ALPK1: variants seen among roughly 807,000 people sequenced by gnomAD.
ALPK1 encodes the protein alpha-protein kinase 1.
A neutral mutation model predicts 120.6 loss-of-function variants in ALPK1; 110 were observed. That is an observed-to-expected ratio of 0.91 (90% CI 0.78 to 1.07). The LOEUF is 1.07. Ranked by LOEUF, ALPK1 falls within the 50% of genes least tolerant of loss-of-function variation. The pLI, the probability that ALPK1 is intolerant of heterozygous loss-of-function variation, is 0.00. For missense variants in ALPK1, 1,498 were observed against 1,483.9 expected (o/e 1.01, Z -0.16); for synonymous variants, 582 against 560.3 (o/e 1.04, Z -0.55).
chr4:112,411,368 G>A (rs1412821733), intron 4 of ALPK1, among the ~76,000 whole-genome samples: 1 of 152,160 alleles, frequency 6.6e-6, no homozygotes, highest in African/African-American at 2.4e-5. Flanking sequence ...GGGACTACAG[G>A]CGCATGCCAC....
At chr4:112,386,956 T>C (rs1732179709) in intron 4 of ALPK1, among the ~76,000 whole-genome samples, 1 of 152,350 alleles carries the variant, frequency 6.6e-6, no homozygotes, top group South Asian at 2.1e-4. Context: ...CATGAGCAAC[T>C]TTTTTCAAGT....
chr4:112,366,716 G>A (rs1340157611), intron 2 of ALPK1, among the ~76,000 whole-genome samples: 1 of 152,104 alleles, frequency 6.6e-6, no homozygotes, highest in East Asian at 1.9e-4. Flanking sequence ...CAGAGGAAAA[G>A]AAGTCATTAT....
intron 2 of ALPK1, among the ~76,000 whole-genome samples, chr4:112,365,234 G>A (rs1337074248): frequency 2.6e-5 from 4 of 152,100 alleles, no homozygotes; most frequent in African/African-American, 7.2e-5. Context: ...GAAATAAAGG[G>A]CATCCAAGTT....
intron 1 of ALPK1, among the ~76,000 whole-genome samples, chr4:112,297,879 G>T (rs1038903458): frequency 6.6e-6 from 1 of 152,038 alleles, no homozygotes. Context: ...CTTTTGCCTG[G>T]AATACATAGG....
At position 112,441,286 on chromosome 4, in the gene ALPK1, A is replaced by G; in HGVS notation, c.*76A>G. Reference sequence around the variant, plus strand: ...TTCTGGCCAATGATTTGCAAGAGGAATTGATCAGTATCACTTTAAGTCCTG... The same window carrying G: ...TTCTGGCCAATGATTTGCAAGAGGAGTTGATCAGTATCACTTTAAGTCCTG... On this transcript the variant is annotated 3_prime_UTR_variant, in exon 16 of 16. Transcript: ENST00000650871. 3 of 965,488 alleles carry G rather than the reference A, an allele frequency of 3.1e-6. No individual in the cohort carries two copies. The highest frequency in any genetic ancestry group is 5.1e-6 in the Non-Finnish European group (3 of 587,474). 59.8% of individuals were successfully genotyped at this position (965,488 alleles called of 1,614,324 possible).
chr4:112,305,996 A>T (rs549728012), intron 1 of ALPK1, among the ~76,000 whole-genome samples: 1 of 152,036 alleles, frequency 6.6e-6, no homozygotes, highest in African/African-American at 2.4e-5. Context: ...TTCTGCATCT[A>T]TTGAGATAAT....
intron 2 of ALPK1, among the ~76,000 whole-genome samples, chr4:112,316,691 TG>T (rs1170900994): frequency 6.6e-6 from 1 of 152,238 alleles, no homozygotes; most frequent in East Asian, 1.9e-4. Flanking sequence ...AGTGTCTCAT[TG>T]TGCTTTTGAT....
intron 2 of ALPK1, chr4:112,356,053 G>A: frequency 1.3e-6 from 1 of 795,316 alleles, no homozygotes; most frequent in Non-Finnish European, 2.2e-6. Context: ...GAGAGCCTGA[G>A]ATGTTTGGAG....
In ALPK1 at chr4:112,357,165, G is replaced by C. The variant is rs569297682; in HGVS notation, c.-100-20513G>C. ...GACAGCGGTGTCACCAAGCCAGGGA[G>C]CTACATCTTTGAGCTGTTTGCTGAA... On this transcript the variant is annotated intron_variant, in intron 2 of 15. Transcript: ENST00000650871. The C allele has an allele frequency of 1.3e-3, 1,983 of 1,520,280 alleles. 2 individuals carry two copies. Among genetic ancestry groups the C allele is most frequent in the Non-Finnish European group, 1.6e-3 (1,799 of 1,105,890 alleles). The allele number at this position is 1,520,280 out of a possible 1,614,324, so 94.2% of individuals were successfully genotyped here. A position where few individuals can be genotyped will look rare whatever the true frequency, so the allele number is the denominator to read the frequency against.
chr4:112,437,864 A>G (rs1460492158), intron 12 of ALPK1, among the ~76,000 whole-genome samples: 1 of 152,214 alleles, frequency 6.6e-6, no homozygotes, highest in Non-Finnish European at 1.5e-5. Flanking sequence ...ACACCAGTTT[A>G]CAGCAAGTAT....
At chr4:112,385,860 C>G (rs933898081) in intron 4 of ALPK1, among the ~76,000 whole-genome samples, 2 of 152,068 alleles carry the variant, frequency 1.3e-5, no homozygotes, top group Admixed American at 6.6e-5. Flanking sequence ...CATGTTTTCT[C>G]TCTTTTTATA....
rs1733522476 is a variant in ALPK1, at chr4:112,412,356, T to G, written c.475+331T>G. ...GAATTGCTATACTTCTGACCAAGAG[T>G]CTTTAAAAAGCAGATTAGAATTCTA... is the stretch of plus-strand genomic sequence containing the variant. On this transcript the variant is annotated intron_variant, in intron 5 of 15. Transcript: ENST00000650871. 7.8e-6 allele frequency: 4 copies of G among 509,600 alleles called. No individual in the cohort carries two copies. In the Admixed American group the frequency reaches 9.1e-5, roughly 12 times the overall value. The allele number at this position is 509,600 out of a possible 1,614,324, so 31.6% of individuals were successfully genotyped here. A position where few individuals can be genotyped will look rare whatever the true frequency, so the allele number is the denominator to read the frequency against.
intron 5 of ALPK1, chr4:112,412,518 C>G: frequency 2.3e-6 from 1 of 431,008 alleles, no homozygotes; most frequent in South Asian, 1.6e-5. Flanking sequence ...CTGATTAGGT[C>G]TTAAAGTATC....
Position 112,435,193 on chromosome 4 carries a change from C to T in ALPK1, c.3080C>T (p.Ala1027Val). The change falls in exon 12 of 16, where the codon GCC (alanine) becomes GTC (valine). Residue 1027 changes from alanine to valine, a missense_variant. Ala to Val is a moderately conservative substitution (Grantham distance 64). Transcript: ENST00000650871. ...TCAAAAAAATCTGAACTGTGGACGG[C>T]CCAGGAAACTATTGTCTATTTGGGG... ...KYSKKSELWT[A>V]QETIVYLGDY... 1.2e-6 allele frequency: 2 copies of T among 1,612,664 alleles called. No individual in the cohort carries two copies. The highest frequency in any genetic ancestry group is 4.5e-5 in the East Asian group (2 of 44,834).
chr4:112,422,211 G>A (rs1332086009), intron 5 of ALPK1, among the ~76,000 whole-genome samples: 1 of 152,168 alleles, frequency 6.6e-6, no homozygotes, highest in Non-Finnish European at 1.5e-5. Context: ...TTTATTCCTG[G>A]AATTTTCCAT....
In ALPK1 at chr4:112,422,170, G is replaced by A. The variant is rs1734028005; in HGVS notation, c.476-1774G>A. Among the ~76,000 whole-genome samples, 3 of 152,312 alleles carry A rather than the reference G, an allele frequency of 2.0e-5. No individual in the cohort carries two copies. The South Asian group carries it at 6.2e-4, about 32-fold the overall frequency. On this transcript the variant is annotated intron_variant, in intron 5 of 15. Transcript: ENST00000650871. ...GGATGAGATTTCATCACGCTACTCAGAACGGCACGCAATTTAAAACTTATG... is the reference window on the plus strand; with the variant it reads ...GGATGAGATTTCATCACGCTACTCAAAACGGCACGCAATTTAAAACTTATG...
In ALPK1 at chr4:112,325,131, A is replaced by T. The variant is rs150298061; in HGVS notation, c.-101+9279A>T. ...TAAGCACATTACTTCATGGAAAATG[A>T]ATCTAGGACTCACTATACAAAGTAA... On this transcript the variant is annotated intron_variant, in intron 2 of 15. Transcript: ENST00000650871. Among the ~76,000 whole-genome samples, 310 of 152,364 alleles carry T rather than the reference A, an allele frequency of 2.0e-3. 4 individuals carry two copies. Among genetic ancestry groups the T allele is most frequent in the African/African-American group, 7.0e-3 (293 of 41,584 alleles).
rs536678385 is a variant in ALPK1, at chr4:112,374,592, A to C, written c.-100-3086A>C. On this transcript the variant is annotated intron_variant, in intron 2 of 15. Transcript: ENST00000650871. ...TTTGCTTTGCCCAGATCCATCAAAGAAATTACTATAAAAGATATAAGCTGT... is the reference window on the plus strand; with the variant it reads ...TTTGCTTTGCCCAGATCCATCAAAGCAATTACTATAAAAGATATAAGCTGT... Among the ~76,000 whole-genome samples the C allele has an allele frequency of 3.9e-5, 6 of 152,348 alleles. No homozygotes were observed. The South Asian group carries it at 1.2e-3, about 32-fold the overall frequency.
chr4:112,357,388 G>T, intron 2 of ALPK1: 1 of 695,438 alleles, frequency 1.4e-6, no homozygotes. Flanking sequence ...CCTATAAAGT[G>T]CACATCCATC....
Sources: allele counts gnomAD v4.1 joint callset (sites outside exome capture counted in the v4.1 genomes callset), GRCh38; gene constraint gnomAD v4.1.1; transcripts MANE v1.5; gene names NCBI Gene and HGNC (gene_info 2026-07-23, HGNC 2026-07-21).